RABGAP1L: variants seen among roughly 807,000 people sequenced by gnomAD.
RABGAP1L encodes the protein RAB GTPase activating protein 1 like.
In RABGAP1L, 63 loss-of-function variants were observed where a neutral mutation model predicts 137.7. That is an observed-to-expected ratio of 0.46 (90% CI 0.37 to 0.56). The LOEUF (loss-of-function observed/expected upper bound fraction) is 0.56. Among genes scored for constraint, RABGAP1L ranks in the 20% least tolerant of loss-of-function variants. The probability of loss-of-function intolerance (pLI) is 0.00; values close to 1 mark genes in which losing one functional copy is unlikely to be tolerated. For synonymous variants in RABGAP1L, 431 were observed against 433.7 expected (o/e 0.99, Z 0.08); for missense variants, 1,095 against 1,244.0 (o/e 0.88, Z 1.80).
In RABGAP1L at chr1:174,598,436, T is replaced by C. The variant is rs1318457621; in HGVS notation, c.1711-38939T>C. On this transcript the variant is annotated intron_variant, in intron 13 of 25. Transcript: ENST00000681986. Reference sequence around the variant, plus strand: ...ATATCTATTAGGTCCATTTGGTTTATAGTGCTAAGTCCAATTTTTTTGTTG... The same window carrying C: ...ATATCTATTAGGTCCATTTGGTTTACAGTGCTAAGTCCAATTTTTTTGTTG... Among the ~76,000 whole-genome samples the C allele has an allele frequency of 1.6e-4, 24 of 152,128 alleles. 1 individual carries two copies. Among genetic ancestry groups the C allele is most frequent in the Admixed American group, 1.6e-3 (24 of 15,278 alleles).
intron 13 of RABGAP1L, among the ~76,000 whole-genome samples, chr1:174,508,883 C>A (rs1306190113): frequency 6.6e-6 from 1 of 151,892 alleles, no homozygotes; most frequent in African/African-American, 2.4e-5. Context: ...ATAAGCAAGT[C>A]CTGTTGTGTT....
chr1:174,811,232 TG>T (rs1351321175), intron 18 of RABGAP1L, among the ~76,000 whole-genome samples: 1 of 152,244 alleles, frequency 6.6e-6, no homozygotes, highest in Non-Finnish European at 1.5e-5. Flanking sequence ...GAAGTAAATT[TG>T]GTAAACAATA....
At chr1:174,185,441 GAATA>G (rs1264550111) in intron 1 of RABGAP1L, among the ~76,000 whole-genome samples, 1 of 151,920 alleles carries the variant, frequency 6.6e-6, no homozygotes. Flanking sequence ...GGTTTTATTT[GAATA>G]AATATAAAAT....
At chr1:174,848,799 G>C (rs1318624143) in intron 19 of RABGAP1L, among the ~76,000 whole-genome samples, 1 of 151,076 alleles carries the variant, frequency 6.6e-6, no homozygotes, top group Non-Finnish European at 1.5e-5. Context: ...AAGCAAGCCT[G>C]GGCAATGGCG....
intron 13 of RABGAP1L, among the ~76,000 whole-genome samples, chr1:174,470,838 T>G (rs1487348698): frequency 6.6e-6 from 1 of 152,122 alleles, no homozygotes; most frequent in Non-Finnish European, 1.5e-5. Context: ...TACCAATTAA[T>G]TTTTACATAA....
intron 11 of RABGAP1L, among the ~76,000 whole-genome samples, chr1:174,337,405 T>C (rs746559304): frequency 6.6e-6 from 1 of 152,038 alleles, no homozygotes; most frequent in African/African-American, 2.4e-5. Context: ...AAGCAGAATA[T>C]GAAGTATGGT....
intron 13 of RABGAP1L, among the ~76,000 whole-genome samples, chr1:174,462,761 T>A (rs1656833120): frequency 6.6e-6 from 1 of 152,194 alleles, no homozygotes; most frequent in Admixed American, 6.6e-5. Context: ...TAGCTCTCTC[T>A]TATAAGTGAA....
intron 13 of RABGAP1L, among the ~76,000 whole-genome samples, chr1:174,502,594 ATATGTACATATATGTGTG>A (rs1208950134): frequency 2.5e-4 from 37 of 147,692 alleles, no homozygotes; most frequent in Non-Finnish European, 3.6e-4. Context: ...ATATATATAT[ATATGTACATATATGTGTG>A]TATATATATG....
intron 13 of RABGAP1L, among the ~76,000 whole-genome samples, chr1:174,626,897 A>G (rs1243857836): frequency 6.6e-6 from 1 of 152,226 alleles, no homozygotes; most frequent in Non-Finnish European, 1.5e-5. Flanking sequence ...ATGTTTTATC[A>G]TCCAACATAG....
At chr1:174,919,975 A>G (rs1459180372) in intron 19 of RABGAP1L, among the ~76,000 whole-genome samples, 1 of 152,256 alleles carries the variant, frequency 6.6e-6, no homozygotes, top group Non-Finnish European at 1.5e-5. Flanking sequence ...TATTGGGTGT[A>G]TACTATATGC....
At chr1:174,883,230 CTG>C (rs1248950677) in intron 19 of RABGAP1L, among the ~76,000 whole-genome samples, 5 of 152,270 alleles carry the variant, frequency 3.3e-5, no homozygotes, top group Admixed American at 1.3e-4. Context: ...CATCTGAAAA[CTG>C]AGAGACATAA....
chr1:174,452,377 A>G (rs993054233), intron 13 of RABGAP1L, among the ~76,000 whole-genome samples: 1 of 152,158 alleles, frequency 6.6e-6, no homozygotes, highest in African/African-American at 2.4e-5. Flanking sequence ...GCCTTGGGTA[A>G]GATACCAAAT....
intron 13 of RABGAP1L, among the ~76,000 whole-genome samples, chr1:174,503,979 C>CT (rs201333632): frequency 0.1 from 14,284 of 142,244 alleles, 997 homozygotes; most frequent in East Asian, 0.34. Context: ...TTTTTCTTTT[C>CT]TTTTTTTTTT....
At chr1:174,781,378 G>C (rs1686991737) in intron 18 of RABGAP1L, among the ~76,000 whole-genome samples, 1 of 152,204 alleles carries the variant, frequency 6.6e-6, no homozygotes, top group Non-Finnish European at 1.5e-5. Context: ...CTTTTGAGAA[G>C]TGTCTCTTCA....
intron 14 of RABGAP1L, among the ~76,000 whole-genome samples, chr1:174,643,475 A>G (rs1674697019): frequency 6.6e-6 from 1 of 152,144 alleles, no homozygotes; most frequent in African/African-American, 2.4e-5. Flanking sequence ...ATTTTAACAG[A>G]CACTTAGAGA....
At chr1:174,702,394 T>G in intron 17 of RABGAP1L, 138 bp downstream of exon 17, 1 of 652,810 alleles carries the variant, frequency 1.5e-6, no homozygotes, top group South Asian at 3.3e-5. Context: ...TATTTGAATT[T>G]TCAGTAAAAA....
At chr1:174,547,650 A>G (rs937311992) in intron 13 of RABGAP1L, among the ~76,000 whole-genome samples, 2 of 152,224 alleles carry the variant, frequency 1.3e-5, no homozygotes, top group Admixed American at 6.5e-5. Context: ...ATCTTATACC[A>G]TAGGGCTTAA....
At chr1:174,776,654 C>T (rs1686551593) in intron 18 of RABGAP1L, among the ~76,000 whole-genome samples, 1 of 152,166 alleles carries the variant, frequency 6.6e-6, no homozygotes, top group Admixed American at 6.5e-5. Flanking sequence ...TAAATCTTCT[C>T]ATTTATTTGT....
chr1:174,542,422 G>T (rs1335814639), intron 13 of RABGAP1L, among the ~76,000 whole-genome samples: 4 of 152,160 alleles, frequency 2.6e-5, no homozygotes, highest in Non-Finnish European at 5.9e-5. Context: ...TTGTATTTCT[G>T]TGGGATCTGT....
Sources: allele counts gnomAD v4.1 joint callset (sites outside exome capture counted in the v4.1 genomes callset), GRCh38; gene constraint gnomAD v4.1.1; transcripts MANE v1.5; gene names NCBI Gene and HGNC (gene_info 2026-07-23, HGNC 2026-07-21).